JAM3: variants seen among roughly 807,000 people sequenced by gnomAD.
The protein encoded by JAM3 is junctional adhesion molecule C.
Under a neutral mutation model 39.4 loss-of-function variants are expected in JAM3, and 31 were observed. The ratio of observed to expected loss-of-function variants is 0.79; its 90% CI spans 0.59 to 1.06. JAM3 has a LOEUF of 1.06. Among genes scored for constraint, JAM3 ranks in the 50% least tolerant of loss-of-function variants. The pLI is 0.00. For missense variants in JAM3, 455 were observed against 391.4 expected, an observed-to-expected ratio of 1.16 and a Z score of -1.37; for synonymous variants, 182 against 148.7, an observed-to-expected ratio of 1.22 and a Z score of -1.63.
At chr11:134,118,939 C>G (rs1028719308) in intron 1 of JAM3, among the ~76,000 whole-genome samples, 2 of 149,602 alleles carry the variant, frequency 1.3e-5, no homozygotes, top group Admixed American at 6.7e-5. Context: ...TGTTATCTGA[C>G]TGGATTAATC....
rs1474335900 is a variant in JAM3 at position 134,150,890 on chromosome 11, G to A, written c.*1709G>A. On this transcript the variant is annotated 3_prime_UTR_variant, in exon 9 of 9. Transcript: ENST00000299106. The stretch of plus-strand genomic sequence containing the variant: ...AGCAGCCAGGTGAAAGGCCTGGCGG[G>A]GAGGAAAGTGAAACGCCTGAATCAA... The A allele has an allele frequency of 6.6e-6, 1 of 152,180 alleles. No individual in the cohort carries two copies. Among genetic ancestry groups the A allele is most frequent in the Non-Finnish European group, 1.5e-5 (1 of 68,034 alleles). The allele number at this position is 152,180 out of a possible 1,614,324, so 9.4% of individuals were successfully genotyped here.
Position 134,123,959 on chromosome 11 carries a change from G to A in JAM3, c.77-15892G>A, listed in dbSNP as rs375662452. 8.3e-5 allele frequency: 124 copies of A among 1,501,634 alleles called. No individual in the cohort carries two copies. In the Admixed American group the frequency reaches 1.3e-3, roughly 15 times the overall value. The allele number at this position is 1,501,634 out of a possible 1,614,324, so 93.0% of individuals were successfully genotyped here. ...GTGTTATAAACTGAACTGCATCTTC[G>A]TACTTCATTCCATATTCAATCAAAG... On this transcript the variant is annotated intron_variant, in intron 1 of 8. Transcript: ENST00000299106.
At chr11:134,119,288 C>A (rs1942492412) in intron 1 of JAM3, among the ~76,000 whole-genome samples, 1 of 152,168 alleles carries the variant, frequency 6.6e-6, no homozygotes, top group African/African-American at 2.4e-5. Context: ...AGATTGTACA[C>A]TCAAAGAAAT....
chr11:134,109,775 A>G (rs555119238), intron 1 of JAM3, among the ~76,000 whole-genome samples: 1 of 152,336 alleles, frequency 6.6e-6, no homozygotes, highest in South Asian at 2.1e-4. Flanking sequence ...ATAGTCAATT[A>G]TGTATTCATA....
At chr11:134,082,710 C>T (rs112756070) in intron 1 of JAM3, among the ~76,000 whole-genome samples, 7,185 of 152,152 alleles carry the variant, frequency 0.047, 634 homozygotes, top group African/African-American at 0.16. Context: ...TGCCCAGTCT[C>T]GGGTATGTCT....
At chr11:134,123,918 GC>G (rs1480552536) in intron 1 of JAM3, 1 of 1,171,622 alleles carries the variant, frequency 8.5e-7, no homozygotes, top group Non-Finnish European at 1.3e-6. Flanking sequence ...GGAATTGAAG[GC>G]CCCCCTTCTT....
intron 1 of JAM3, among the ~76,000 whole-genome samples, chr11:134,121,821 G>GCACGCACA (rs1555117433): frequency 1.3e-5 from 2 of 148,422 alleles, no homozygotes; most frequent in African/African-American, 4.9e-5. Flanking sequence ...GCATGTGTGC[G>GCACGCACA]CACACACACA....
intron 1 of JAM3, among the ~76,000 whole-genome samples, chr11:134,087,912 C>T (rs922622764): frequency 1.4e-4 from 22 of 152,078 alleles, no homozygotes; most frequent in African/African-American, 5.3e-4. Flanking sequence ...CTGTCTTGTG[C>T]ATTGTAGGAT....
rs369771705 is a variant in JAM3, at chr11:134,093,078, G to A, written c.76+23919G>A. ...TCATGTTCCACCTTACATCTTATTCGTCATGTTCCATCTTACATGTCACTT... is the reference window on the plus strand; with the variant it reads ...TCATGTTCCACCTTACATCTTATTCATCATGTTCCATCTTACATGTCACTT... On this transcript the variant is annotated intron_variant, in intron 1 of 8. Transcript: ENST00000299106. 9.8e-3 allele frequency among the ~76,000 whole-genome samples: 638 copies of A among 65,194 alleles called. 1 individual carries two copies. The Middle Eastern group carries it at 0.11, about 12-fold the overall frequency. The allele number at this position is 65,194 out of a possible 152,430, so 42.8% of individuals were successfully genotyped here.
chr11:134,136,057 T>C (rs1371864834), intron 1 of JAM3, among the ~76,000 whole-genome samples: 1 of 151,548 alleles, frequency 6.6e-6, no homozygotes, highest in Non-Finnish European at 1.5e-5. Context: ...GTGACAAGAG[T>C]GAAACTGTCT....
chr11:134,140,613 C>T (rs1261044561), intron 2 of JAM3, 44 bp from the exon 3 acceptor site: 1 of 1,478,386 alleles, frequency 6.8e-7, no homozygotes, highest in Admixed American at 1.7e-5. Flanking sequence ...AACGTAGAAG[C>T]ACTCCACATT....
chr11:134,086,405 AT>A (rs35326370), intron 1 of JAM3, among the ~76,000 whole-genome samples: 39 of 150,702 alleles, frequency 2.6e-4, no homozygotes, highest in Admixed American at 4.6e-4. Context: ...AGTATCCTGG[AT>A]TTTTTTTTTA....
intron 1 of JAM3, among the ~76,000 whole-genome samples, chr11:134,110,871 A>G (rs776862864): frequency 6.6e-6 from 1 of 151,870 alleles, no homozygotes; most frequent in African/African-American, 2.4e-5. Flanking sequence ...TGTTTTTTTA[A>G]AAGTCCAAAA....
intron 1 of JAM3, among the ~76,000 whole-genome samples, chr11:134,109,151 G>A (rs1423049264): frequency 6.6e-6 from 1 of 152,058 alleles, no homozygotes; most frequent in African/African-American, 2.4e-5. Flanking sequence ...TAGAAGAGAA[G>A]GAGTTTTACC....
At chr11:134,097,482 C>A (rs958023805) in intron 1 of JAM3, among the ~76,000 whole-genome samples, 1 of 152,128 alleles carries the variant, frequency 6.6e-6, no homozygotes, top group Admixed American at 6.6e-5. Context: ...CTCTTTGGAG[C>A]ATTAGTGATG....
At chr11:134,118,923 C>A (rs1010484320) in intron 1 of JAM3, among the ~76,000 whole-genome samples, 12 of 151,178 alleles carry the variant, frequency 7.9e-5, no homozygotes, top group African/African-American at 2.7e-4. Flanking sequence ...TGGAGTTTTA[C>A]TCTGGTGTTA....
intron 1 of JAM3, among the ~76,000 whole-genome samples, chr11:134,117,356 G>A (rs137941054): frequency 0.01 from 1,563 of 151,072 alleles, 22 homozygotes; most frequent in African/African-American, 0.036. Flanking sequence ...CAGCCTGGGC[G>A]ACAAGAGCAA....
intron 1 of JAM3, among the ~76,000 whole-genome samples, chr11:134,081,732 C>T (rs1457081317): frequency 6.6e-6 from 1 of 152,186 alleles, no homozygotes; most frequent in Non-Finnish European, 1.5e-5. Flanking sequence ...TACACAGAGT[C>T]CCTACTGGGG....
chr11:134,123,356 AAAG>A (rs1304551535), intron 1 of JAM3, among the ~76,000 whole-genome samples: 1 of 152,052 alleles, frequency 6.6e-6, no homozygotes, highest in Non-Finnish European at 1.5e-5. Flanking sequence ...AGGAAGGAAA[AAAG>A]GAGAAAAATA....
Sources: allele counts gnomAD v4.1 joint callset (sites outside exome capture counted in the v4.1 genomes callset), GRCh38; gene constraint gnomAD v4.1.1; transcripts MANE v1.5; gene names NCBI Gene and HGNC (gene_info 2026-07-23, HGNC 2026-07-21).